LRRC7: variants seen among roughly 807,000 people sequenced by gnomAD.
LRRC7 encodes the protein leucine-rich repeat-containing protein 7.
A neutral mutation model predicts 175.7 loss-of-function variants in LRRC7; 23 were observed. The ratio of observed to expected loss-of-function variants is 0.13; its 90% CI spans 0.09 to 0.19. The LOEUF (loss-of-function observed/expected upper bound fraction) is 0.19. Among genes scored for constraint, LRRC7 ranks in the 10% least tolerant of loss-of-function variants. LRRC7 has a pLI of 1.00. For missense variants in LRRC7, 1,354 were observed against 1,904.7 expected, an observed-to-expected ratio of 0.71 and a Z score of 5.38; for synonymous variants, 685 against 680.9, an observed-to-expected ratio of 1.01 and a Z score of -0.09.
rs999441968 is a variant in LRRC7 at position 70,122,137 on chromosome 1, G to GT, written c.*255dup. 91 of 289,712 alleles carry GT rather than the reference G, an allele frequency of 3.1e-4. No homozygotes were observed. In the South Asian group the frequency reaches 6.7e-3, roughly 21 times the overall value. 17.9% of individuals were successfully genotyped at this position (289,712 alleles called of 1,614,324 possible). ...TTGGTGCAGTTTTGTTTCTGTTTTT[G>GT]TTTTTGTTTTTAATCAAATAAGTTT... On this transcript the variant is annotated 3_prime_UTR_variant, in exon 27 of 27. Coordinates refer to ENST00000651989, the MANE Select transcript of LRRC7 (RefSeq NM_001370785.2).
chr1:70,055,509 T>C (rs1300584794), intron 23 of LRRC7, among the ~76,000 whole-genome samples: 1 of 152,122 alleles, frequency 6.6e-6, no homozygotes, highest in Non-Finnish European at 1.5e-5. Flanking sequence ...CATTCTCACA[T>C]TGCTATAAAG....
Position 69,940,460 on chromosome 1 carries a change from T to G in LRRC7, c.711+8890T>G, listed in dbSNP as rs998200935. ...TGGATTTTTCTGAGAACGGCATGTA[T>G]CTCCATGCAGTCAAATACCCTGGTG... On this transcript the variant is annotated intron_variant, in intron 8 of 26. Coordinates refer to ENST00000651989, the MANE Select transcript of LRRC7 (RefSeq NM_001370785.2). 4.6e-5 allele frequency among the ~76,000 whole-genome samples: 7 copies of G among 152,194 alleles called. No homozygotes were observed. In the South Asian group the frequency reaches 1.4e-3, roughly 32 times the overall value.
chr1:69,568,288 G>A lies in LRRC7; in HGVS notation c.-352G>A, dbSNP rs1646407294. 4.9e-6 allele frequency: 1 copy of A among 204,636 alleles called. No individual in the cohort carries two copies. The highest frequency in any genetic ancestry group is 9.5e-6 in the Non-Finnish European group (1 of 105,782). 12.7% of individuals were successfully genotyped at this position (204,636 alleles called of 1,614,324 possible). Reference sequence around the variant, plus strand: ...GAGCTGCGCCTCCGCCACCGCCGCCGCCGCCGCCGCTGCTGCTGCGGTCGC... The same window carrying A: ...GAGCTGCGCCTCCGCCACCGCCGCCACCGCCGCCGCTGCTGCTGCGGTCGC... On this transcript the variant is annotated 5_prime_UTR_variant, in exon 1 of 27. Coordinates refer to ENST00000651989, the MANE Select transcript of LRRC7 (RefSeq NM_001370785.2).
chr1:70,004,224 G>T (rs1301598206), intron 11 of LRRC7, among the ~76,000 whole-genome samples: 1 of 152,110 alleles, frequency 6.6e-6, no homozygotes, highest in African/African-American at 2.4e-5. Flanking sequence ...GTGAGATTTG[G>T]TACTAAAATG....
At chr1:69,908,229 T>C (rs1448886352) in intron 7 of LRRC7, among the ~76,000 whole-genome samples, 1 of 152,226 alleles carries the variant, frequency 6.6e-6, no homozygotes, top group Admixed American at 6.5e-5. Context: ...GATTCATTAA[T>C]TTTTTGAAGG....
intron 3 of LRRC7, among the ~76,000 whole-genome samples, chr1:69,774,516 A>G (rs1008280201): frequency 1.3e-5 from 2 of 152,208 alleles, no homozygotes; most frequent in Non-Finnish European, 2.9e-5. Context: ...TTGATGCTTA[A>G]TGAGTAGATT....
Position 70,143,021 on chromosome 1 carries a change from C to T in LRRC7, c.*21134C>T, listed in dbSNP as rs1261601441. ...ACTCTATAAAGAAGTTCTACTTCTA[C>T]CTATATGAATTTGTATTTTCCCATA... On this transcript the variant is annotated 3_prime_UTR_variant, in exon 27 of 27. Transcript: ENST00000651989. 6.6e-6 allele frequency: 1 copy of T among 152,032 alleles called. No individual in the cohort carries two copies. Among genetic ancestry groups the T allele is most frequent in the Non-Finnish European group, 1.5e-5 (1 of 67,974 alleles). The allele number at this position is 152,032 out of a possible 1,614,324, so 9.4% of individuals were successfully genotyped here. A position where few individuals can be genotyped will look rare whatever the true frequency, so the allele number is the denominator to read the frequency against.
chr1:69,671,946 T>C (rs1263994208), intron 1 of LRRC7, among the ~76,000 whole-genome samples: 1 of 152,182 alleles, frequency 6.6e-6, no homozygotes, highest in Non-Finnish European at 1.5e-5. Context: ...TTCAGTGACA[T>C]GAAGTTAAAA....
chr1:69,745,932 A>T (rs139099201), intron 2 of LRRC7, among the ~76,000 whole-genome samples: 9 of 152,108 alleles, frequency 5.9e-5, no homozygotes, highest in African/African-American at 2.2e-4. Flanking sequence ...TAGTAATTTA[A>T]ATAACAAAAT....
Position 70,107,836 on chromosome 1 carries a change from A to T in LRRC7, c.4620+10A>T. On this transcript the variant is annotated intron_variant, in intron 26 of 26. Transcript: ENST00000651989. Reference sequence around the variant, plus strand: ...TGATAAGATCCTTCAGGTAAGACAGATAAAAGAAATGCATGCAAATGCCAT... The same window carrying T: ...TGATAAGATCCTTCAGGTAAGACAGTTAAAAGAAATGCATGCAAATGCCAT... The T allele has an allele frequency of 6.2e-7, 1 of 1,604,182 alleles. No homozygotes were observed. The highest frequency in any genetic ancestry group is 8.5e-7 in the Non-Finnish European group (1 of 1,172,136).
chr1:69,736,655 T>C (rs910865183), intron 2 of LRRC7, among the ~76,000 whole-genome samples: 2 of 152,042 alleles, frequency 1.3e-5, no homozygotes, highest in Non-Finnish European at 2.9e-5. Context: ...TAAATACAGT[T>C]TTTATAGTAA....
chr1:70,080,077 C>T (rs1205560140), intron 24 of LRRC7, among the ~76,000 whole-genome samples: 1 of 152,152 alleles, frequency 6.6e-6, no homozygotes, highest in Non-Finnish European at 1.5e-5. Flanking sequence ...AATGCCCTCT[C>T]TGTCAAATGA....
intron 1 of LRRC7, among the ~76,000 whole-genome samples, chr1:69,671,728 T>C (rs1188433752): frequency 6.6e-6 from 1 of 152,138 alleles, no homozygotes; most frequent in Admixed American, 6.5e-5. Flanking sequence ...AAAAACTCCC[T>C]CTGTGGTCGG....
Position 70,122,733 on chromosome 1 carries a change from T to C in LRRC7, c.*846T>C, listed in dbSNP as rs980629707. 6.6e-6 allele frequency: 1 copy of C among 152,224 alleles called. No homozygotes were observed. Among genetic ancestry groups the C allele is most frequent in the Admixed American group, 6.6e-5 (1 of 15,266 alleles). 9.4% of individuals were successfully genotyped at this position (152,224 alleles called of 1,614,324 possible). A position where few individuals can be genotyped will look rare whatever the true frequency, so the allele number is the denominator to read the frequency against. On this transcript the variant is annotated 3_prime_UTR_variant, in exon 27 of 27. Transcript: ENST00000651989. ...TGGATGATGGGTGGCAGGAAAGGTATTGCTTTATTTCTTTCAAGTTCATGT... is the reference window on the plus strand; with the variant it reads ...TGGATGATGGGTGGCAGGAAAGGTACTGCTTTATTTCTTTCAAGTTCATGT...
intron 1 of LRRC7, among the ~76,000 whole-genome samples, chr1:69,582,596 G>T (rs1277872876): frequency 6.6e-5 from 10 of 152,206 alleles, no homozygotes; most frequent in Non-Finnish European, 1.2e-4. Flanking sequence ...AAATGGTTAA[G>T]CATCCATCTG....
intron 23 of LRRC7, among the ~76,000 whole-genome samples, chr1:70,067,584 C>A (rs1442300461): frequency 6.6e-6 from 1 of 152,066 alleles, no homozygotes; most frequent in Non-Finnish European, 1.5e-5. Context: ...CTCTATACTT[C>A]TTTTCCAAAC....
chr1:69,720,478 CA>C (rs1319473165), intron 2 of LRRC7, among the ~76,000 whole-genome samples: 1 of 151,616 alleles, frequency 6.6e-6, no homozygotes, highest in African/African-American at 2.4e-5. Context: ...TTTATATAGT[CA>C]ATATCCATTT....
At chr1:69,795,455 A>C (rs1316772030) in intron 4 of LRRC7, among the ~76,000 whole-genome samples, 1 of 152,166 alleles carries the variant, frequency 6.6e-6, no homozygotes, top group Non-Finnish European at 1.5e-5. Flanking sequence ...TCCTTTGGGA[A>C]TCTGTCAAGT....
intron 11 of LRRC7, among the ~76,000 whole-genome samples, chr1:70,005,422 A>T (rs901716696): frequency 6.6e-6 from 1 of 152,318 alleles, no homozygotes. Flanking sequence ...TCTATGTAGT[A>T]TATTCACAAT....
Sources: allele counts gnomAD v4.1 joint callset (sites outside exome capture counted in the v4.1 genomes callset), GRCh38; gene constraint gnomAD v4.1.1; transcripts MANE v1.5; gene names NCBI Gene and HGNC (gene_info 2026-07-23, HGNC 2026-07-21).